ROCK1: variants seen among roughly 807,000 people sequenced by gnomAD.
The protein encoded by ROCK1 is Rho associated coiled-coil containing protein kinase 1.
Under a neutral mutation model 196.8 loss-of-function variants are expected in ROCK1, and 36 were observed. The observed-to-expected ratio is 0.18, with a 90% confidence interval of 0.14 to 0.24. ROCK1 has a LOEUF of 0.24. ROCK1 is among the 10% of genes least tolerant of loss of function. ROCK1 has a pLI of 1.00. For synonymous variants in ROCK1, 443 were observed against 515.9 expected (o/e 0.86, Z 1.91); for missense variants, 920 against 1,562.0 (o/e 0.59, Z 6.93).
chr18:21,076,333 G>A (rs976088039), intron 1 of ROCK1, among the ~76,000 whole-genome samples: 13 of 151,950 alleles, frequency 8.6e-5, no homozygotes, highest in African/African-American at 2.4e-4. Flanking sequence ...GTGAAACCCC[G>A]TCTCTACTAA....
chr18:20,957,783 C>T (rs2035259241), intron 29 of ROCK1, among the ~76,000 whole-genome samples: 1 of 151,428 alleles, frequency 6.6e-6, no homozygotes, highest in Non-Finnish European at 1.5e-5. Context: ...CACAACTGGC[C>T]CAAGTGAGCT....
intron 1 of ROCK1, among the ~76,000 whole-genome samples, chr18:21,110,253 T>C (rs908678565): frequency 6.6e-5 from 10 of 152,202 alleles, no homozygotes; most frequent in African/African-American, 2.4e-4. Flanking sequence ...TAATTACCTA[T>C]GACCAATTAT....
chr18:21,093,993 G>A (rs1433430610), intron 1 of ROCK1, among the ~76,000 whole-genome samples: 1 of 151,900 alleles, frequency 6.6e-6, no homozygotes, highest in Admixed American at 6.6e-5. Context: ...GTGGGCACCT[G>A]GCAACTGACC....
Position 20,958,528 on chromosome 18 carries a change from G to GA in ROCK1, c.3512+1311dup, listed in dbSNP as rs373502733. 6.4e-3 allele frequency among the ~76,000 whole-genome samples: 977 copies of GA among 151,910 alleles called. 5 individuals carry two copies. Among genetic ancestry groups the GA allele is most frequent in the African/African-American group, 0.023 (937 of 41,474 alleles). On this transcript the variant is annotated intron_variant, in intron 29 of 32. Transcript: ENST00000399799. ...AGAAAAGATTTTAGAATGAATATAA[G>GA]AAAAAATACTATATTATAGGCCTCT...
intron 1 of ROCK1, among the ~76,000 whole-genome samples, chr18:21,097,395 T>G (rs1471817912): frequency 6.6e-6 from 1 of 152,226 alleles, no homozygotes; most frequent in Non-Finnish European, 1.5e-5. Flanking sequence ...TACTGGAACC[T>G]TCATCCAACC....
At chr18:20,973,449 T>C (rs1189467058) in intron 22 of ROCK1, among the ~76,000 whole-genome samples, 1 of 151,942 alleles carries the variant, frequency 6.6e-6, no homozygotes, top group African/African-American at 2.4e-5. Context: ...GGCTAATTTT[T>C]GCATTTTTAG....
intron 22 of ROCK1, among the ~76,000 whole-genome samples, chr18:20,975,138 A>G (rs1487715468): frequency 1.3e-5 from 2 of 152,246 alleles, no homozygotes; most frequent in Non-Finnish European, 2.9e-5. Context: ...ACAACAGGTA[A>G]GAAAATTATA....
intron 2 of ROCK1, among the ~76,000 whole-genome samples, chr18:21,065,212 C>T (rs796578407): frequency 5.2e-4 from 79 of 152,304 alleles, no homozygotes; most frequent in African/African-American, 1.8e-3. Context: ...AGTGATTATT[C>T]GCATTACTTT....
At chr18:21,030,338 G>A (rs1243251185) in intron 9 of ROCK1, among the ~76,000 whole-genome samples, 1 of 152,080 alleles carries the variant, frequency 6.6e-6, no homozygotes, top group Non-Finnish European at 1.5e-5. Flanking sequence ...TGTCATTAAT[G>A]GGAAAAAAGG....
At chr18:21,011,976 C>T (rs1308343735) in intron 13 of ROCK1, among the ~76,000 whole-genome samples, 1 of 152,106 alleles carries the variant, frequency 6.6e-6, no homozygotes, top group African/African-American at 2.4e-5. Flanking sequence ...CAGAGTCTTG[C>T]TGTGTCACCC....
chr18:21,026,955 T>TG, intron 10 of ROCK1, among the ~76,000 whole-genome samples: 1 of 151,268 alleles, frequency 6.6e-6, no homozygotes, highest in Admixed American at 6.6e-5. Context: ...TTTTTTTTTT[T>TG]TGAGACAGAG....
chr18:20,985,412 G>A (rs775379844), intron 19 of ROCK1, among the ~76,000 whole-genome samples: 2 of 151,942 alleles, frequency 1.3e-5, no homozygotes, highest in Non-Finnish European at 2.9e-5. Flanking sequence ...TTTCTTGTAC[G>A]CACTACTCCT....
intron 31 of ROCK1, among the ~76,000 whole-genome samples, chr18:20,954,574 T>A (rs1303718687): frequency 6.6e-6 from 1 of 152,282 alleles, no homozygotes; most frequent in African/African-American, 2.4e-5. Context: ...TGAGAATCCA[T>A]CTCAATCAAT....
At chr18:21,050,412 T>C (rs929124939) in intron 2 of ROCK1, among the ~76,000 whole-genome samples, 6 of 151,956 alleles carry the variant, frequency 3.9e-5, no homozygotes, top group Non-Finnish European at 7.4e-5. Context: ...CATTTCTCTA[T>C]TTGAACCTAG....
At position 20,979,993 on chromosome 18, in the gene ROCK1, T is replaced by A; in HGVS notation, c.2571A>T (p.Lys857Asn). ...EAEQYFSTLY[K>N]TQVKELKEEI... is the part of the protein sequence containing the mutation. ...CTTCTTTAAGTTCCTTTACCTGGGT[T>A]TTATAAAGTGTCTGCAAAACAAGTG... is the stretch of plus-strand genomic sequence containing the variant. The change falls in exon 22 of 33, where the codon AAA becomes AAT. Residue 857 changes from lysine (K) to asparagine (N), a missense_variant. Physicochemically the swap from Lys to Asn is moderately conservative, Grantham distance 94. Around this residue, in one of 6 missense-constraint regions of ROCK1, gnomAD observed 520 missense variants for 657.1 expected, o/e 0.79. Coordinates refer to ENST00000399799, the MANE Select transcript of ROCK1 (RefSeq NM_005406.3). The A allele has an allele frequency of 6.4e-7, 1 of 1,553,512 alleles. No individual in the cohort carries two copies. Among genetic ancestry groups the A allele is most frequent in the Non-Finnish European group, 8.7e-7 (1 of 1,148,654 alleles).
intron 1 of ROCK1, among the ~76,000 whole-genome samples, chr18:21,100,826 G>A (rs1372269791): frequency 6.6e-6 from 1 of 152,088 alleles, no homozygotes; most frequent in Non-Finnish European, 1.5e-5. Context: ...CTCCCCATCA[G>A]ACAGACCTCT....
Position 21,006,820 on chromosome 18 carries a change from T to G in ROCK1, c.1547-30A>C, listed in dbSNP as rs2035772873. The stretch of plus-strand genomic sequence containing the variant: ...AAAATGAAAGAATAATATATAGAAA[T>G]TACAACATTTTCATAGGGGAAACAT... On this transcript the variant is annotated intron_variant, in intron 14 of 32. Transcript: ENST00000399799. 3.8e-6 allele frequency: 5 copies of G among 1,313,318 alleles called. No individual in the cohort carries two copies. In the African/African-American group the frequency reaches 4.5e-5, roughly 12 times the overall value. 81.4% of individuals were successfully genotyped at this position (1,313,318 alleles called of 1,614,324 possible).
Position 20,970,491 on chromosome 18 carries a change from C to A in ROCK1, c.2677G>T (p.Asp893Tyr). ...GACTCAGCTTTTGTTTCTGCTAGAT[C>A]CAACTGAGTAGCAAGAGTTTCTCTG... is the stretch of plus-strand genomic sequence containing the variant. ...NEKETLATQL[D>Y]LAETKAESEQ... Residue 893 changes from aspartate (D) to tyrosine (Y), a missense_variant, in exon 23 of 33, where the codon GAT (aspartate) becomes TAT (tyrosine). Physicochemically the swap from Asp to Tyr is radical, Grantham distance 160 (BLOSUM62 -3). This residue lies in a region of ROCK1 where 520 missense variants were observed against 657.1 expected (regional missense o/e 0.79). Transcript: ENST00000399799. 6.2e-7 allele frequency: 1 copy of A among 1,608,258 alleles called. No homozygotes were observed. Among genetic ancestry groups the A allele is most frequent in the Non-Finnish European group, 8.5e-7 (1 of 1,176,166 alleles).
chr18:21,040,374 T>C (rs2036094891), intron 8 of ROCK1, among the ~76,000 whole-genome samples: 1 of 152,194 alleles, frequency 6.6e-6, no homozygotes, highest in African/African-American at 2.4e-5. Context: ...CAATGACTAC[T>C]AATTCTTGAT....
Sources: gnomAD v4.1 joint callset for allele counts (sites outside exome capture counted in the v4.1 genomes callset) on GRCh38, gnomAD v4.1.1 for gene constraint, gnomAD v4.1.1 regional missense constraint, MANE v1.5 for transcripts, NCBI Gene and HGNC (gene_info 2026-07-23, HGNC 2026-07-21) for gene names.